The following SLC25A17 variants were observed in gnomAD, a reference collection of about 807,000 sequenced individuals.
SLC25A17 encodes the protein peroxisomal membrane protein PMP34.
SLC25A17 carries 26 observed loss-of-function variants against 38.5 expected under a neutral mutation model. That is an observed-to-expected ratio of 0.68 (90% CI 0.50 to 0.94). The LOEUF is 0.94. SLC25A17 is among the 40% of genes least tolerant of loss of function. SLC25A17 has a pLI of 0.00. For missense variants in SLC25A17, 333 were observed against 372.7 expected (o/e 0.89, Z 0.88); for synonymous variants, 139 against 136.2 (o/e 1.02, Z -0.14).
intron 4 of SLC25A17, among the ~76,000 whole-genome samples, chr22:40,790,448 A>G (rs1399239801): frequency 6.6e-6 from 1 of 152,072 alleles, no homozygotes; most frequent in Non-Finnish European, 1.5e-5. Context: ...TGACTTTTTA[A>G]AATTGAGCCC....
rs1253696993 is a variant in SLC25A17, at chr22:40,777,366, A to C, written c.459T>G (p.Phe153Leu). ...PTNYKGIIDA[F>L]HQIIRDEGIS... is the part of the protein sequence containing the mutation. ...TTCCTTCATCGCGAATGATCTGATG[A>C]AAAGCATCTAAGCAAGAAATCAGGG... Residue 153 changes from phenylalanine (F) to leucine (L), a missense_variant, in exon 6 of 9, where the codon TTT becomes TTG. Coordinates refer to ENST00000435456, the MANE Select transcript of SLC25A17 (RefSeq NM_006358.4). The C allele has an allele frequency of 6.2e-7, 1 of 1,611,464 alleles. No homozygotes were observed. Among genetic ancestry groups the C allele is most frequent in the South Asian group, 1.1e-5 (1 of 90,810 alleles).
At chr22:40,816,868 C>T (rs1041724528) in intron 1 of SLC25A17, among the ~76,000 whole-genome samples, 8 of 152,184 alleles carry the variant, frequency 5.3e-5, no homozygotes, top group Non-Finnish European at 1.0e-4. Flanking sequence ...GCCTCAGCCT[C>T]CCAAAGTGCT....
At chr22:40,814,791 T>TATATATA (rs1568991013) in intron 1 of SLC25A17, among the ~76,000 whole-genome samples, 29 of 122,608 alleles carry the variant, frequency 2.4e-4, no homozygotes, top group African/African-American at 6.3e-4. Flanking sequence ...ATATATATAT[T>TATATATA]GTTGTTGTTG....
At position 40,774,101 on chromosome 22, in the gene SLC25A17, G is replaced by A. The variant is rs1202506126; in HGVS notation, c.694-82C>T. On this transcript the variant is annotated intron_variant, in intron 7 of 8. Coordinates refer to ENST00000435456, the MANE Select transcript of SLC25A17 (RefSeq NM_006358.4). ...TTTTACCTGGGGAGGATATTATGTT[G>A]GAGTAGTATCTTATAGCATACATTA... 3.7e-6 allele frequency: 3 copies of A among 807,462 alleles called. No individual in the cohort carries two copies. The East Asian group carries it at 7.4e-5, about 20-fold the overall frequency. 50.0% of individuals were successfully genotyped at this position (807,462 alleles called of 1,614,324 possible). A position where few individuals can be genotyped will look rare whatever the true frequency, so the allele number is the denominator to read the frequency against.
chr22:40,812,658 C>T (rs1282929151), intron 1 of SLC25A17, among the ~76,000 whole-genome samples: 1 of 152,092 alleles, frequency 6.6e-6, no homozygotes, highest in Non-Finnish European at 1.5e-5. Flanking sequence ...ACAGCAGCAC[C>T]ACTGAAATCA....
intron 1 of SLC25A17, chr22:40,817,137 T>C (rs1196700512): frequency 1.3e-5 from 2 of 152,220 alleles, no homozygotes. Flanking sequence ...CCACCAAAAC[T>C]GGTCTTTTCA....
intron 4 of SLC25A17, among the ~76,000 whole-genome samples, chr22:40,785,089 T>C (rs1230131307): frequency 6.6e-6 from 1 of 152,072 alleles, no homozygotes; most frequent in Non-Finnish European, 1.5e-5. Flanking sequence ...CTTTGCTTGA[T>C]CAAACTCTGT....
At chr22:40,801,376 C>T (rs1013368128) in intron 1 of SLC25A17, among the ~76,000 whole-genome samples, 1 of 151,838 alleles carries the variant, frequency 6.6e-6, no homozygotes, top group South Asian at 2.1e-4. Flanking sequence ...ATTTATGGCT[C>T]TTTCAGCACA....
At chr22:40,817,646 G>C (rs1404827201) in intron 1 of SLC25A17, among the ~76,000 whole-genome samples, 1 of 152,074 alleles carries the variant, frequency 6.6e-6, no homozygotes, top group Non-Finnish European at 1.5e-5. Flanking sequence ...CTTCTACCAT[G>C]TCTGCTACCA....
intron 4 of SLC25A17, among the ~76,000 whole-genome samples, chr22:40,782,729 C>T (rs569712050): frequency 1.3e-5 from 2 of 152,304 alleles, no homozygotes; most frequent in African/African-American, 4.8e-5. Flanking sequence ...CCTGTCTTGC[C>T]AGATTTAAGG....
At chr22:40,784,784 C>CAAAAAAAA (rs71200616) in intron 4 of SLC25A17, among the ~76,000 whole-genome samples, 267 of 96,158 alleles carry the variant, frequency 2.8e-3, no homozygotes, top group Middle Eastern at 8.3e-3. Context: ...TCAACAACAA[C>CAAAAAAAA]AAAAAAAAAA....
chr22:40,796,897 C>T (rs73887877), intron 2 of SLC25A17, among the ~76,000 whole-genome samples: 3,606 of 152,046 alleles, frequency 0.024, 124 homozygotes, highest in African/African-American at 0.083. Flanking sequence ...GCTCCCAATG[C>T]GCTGATTCAG....
chr22:40,797,020 A>T (rs1355927463), intron 2 of SLC25A17, among the ~76,000 whole-genome samples: 1 of 152,214 alleles, frequency 6.6e-6, no homozygotes, highest in South Asian at 2.1e-4. Flanking sequence ...GGAGAAAATT[A>T]AGACTATATA....
At chr22:40,783,481 T>TA (rs1252499896) in intron 4 of SLC25A17, among the ~76,000 whole-genome samples, 1 of 152,224 alleles carries the variant, frequency 6.6e-6, no homozygotes. Context: ...CATTAGCTGT[T>TA]ACAATTATTT....
intron 1 of SLC25A17, among the ~76,000 whole-genome samples, chr22:40,804,369 T>C (rs570321446): frequency 1.3e-5 from 2 of 152,226 alleles, no homozygotes; most frequent in South Asian, 2.1e-4. Flanking sequence ...ATGGGATCCC[T>C]ATTTTCTGTC....
chr22:40,791,465 G>A (rs774507546), intron 4 of SLC25A17, among the ~76,000 whole-genome samples: 5 of 152,166 alleles, frequency 3.3e-5, no homozygotes, highest in Middle Eastern at 3.4e-3. Flanking sequence ...ATGGTTTTAG[G>A]AACTGTGCCA....
At chr22:40,801,099 CAAAAAAG>C (rs896164755) in intron 1 of SLC25A17, among the ~76,000 whole-genome samples, 8 of 104,922 alleles carry the variant, frequency 7.6e-5, no homozygotes, top group African/African-American at 2.9e-4. Flanking sequence ...GACTCTGTCT[CAAAAAAG>C]AAAAAAGAAA....
At chr22:40,817,263 T>G (rs138328) in intron 1 of SLC25A17, 8 of 152,192 alleles carry the variant, frequency 5.3e-5, no homozygotes, top group Non-Finnish European at 8.8e-5. Context: ...CAGAAACACT[T>G]TCTTCACGTG....
chr22:40,803,561 A>C (rs2145693798), intron 1 of SLC25A17, among the ~76,000 whole-genome samples: 1 of 152,250 alleles, frequency 6.6e-6, no homozygotes, highest in African/African-American at 2.4e-5. Flanking sequence ...TCTGTAGATA[A>C]GCATTGATTC....
Sources: allele counts gnomAD v4.1 joint callset (sites outside exome capture counted in the v4.1 genomes callset), GRCh38; gene constraint gnomAD v4.1.1; transcripts MANE v1.5; gene names NCBI Gene and HGNC (gene_info 2026-07-23, HGNC 2026-07-21).